CSMD1: variants seen among roughly 807,000 people sequenced by gnomAD.
CSMD1 encodes CUB and sushi domain-containing protein 1.
Under a neutral mutation model 417.5 loss-of-function variants are expected in CSMD1, and 213 were observed. The observed-to-expected ratio is 0.51, with a 90% confidence interval of 0.46 to 0.57. The LOEUF (loss-of-function observed/expected upper bound fraction) is 0.57. CSMD1 is among the 20% of genes least tolerant of loss of function. CSMD1 has a pLI of 0.00. For missense variants in CSMD1, 6,923 were observed against 4,529.7 expected, an observed-to-expected ratio of 1.53 and a Z score of -15.17; for synonymous variants, 2,862 against 1,736.8, an observed-to-expected ratio of 1.65 and a Z score of -16.11.
At chr8:4,403,441 T>C (rs1321502660) in intron 3 of CSMD1, among the ~76,000 whole-genome samples, 2 of 152,126 alleles carry the variant, frequency 1.3e-5, no homozygotes, top group Non-Finnish European at 2.9e-5. Flanking sequence ...GCCATTCGAC[T>C]CAAAATGTCC....
At chr8:4,933,814 G>C (rs79063137) in intron 1 of CSMD1, among the ~76,000 whole-genome samples, 1 of 152,032 alleles carries the variant, frequency 6.6e-6, no homozygotes, top group Non-Finnish European at 1.5e-5. Flanking sequence ...ATGTGAGCCC[G>C]ATACATTTAT....
intron 19 of CSMD1, among the ~76,000 whole-genome samples, chr8:3,368,052 A>C (rs888064391): frequency 3.9e-5 from 6 of 152,194 alleles, no homozygotes; most frequent in Non-Finnish European, 5.9e-5. Flanking sequence ...ACAAAGGCTT[A>C]TTTCTGGATT....
chr8:4,382,837 G>T (rs988150935), intron 3 of CSMD1, among the ~76,000 whole-genome samples: 1 of 152,086 alleles, frequency 6.6e-6, no homozygotes, highest in South Asian at 2.1e-4. Context: ...TTGTGACAAC[G>T]ACCTTACACA....
At chr8:4,152,010 T>A (rs1375303220) in intron 3 of CSMD1, among the ~76,000 whole-genome samples, 4 of 152,162 alleles carry the variant, frequency 2.6e-5, no homozygotes, top group Admixed American at 2.0e-4. Context: ...CATTTTAACG[T>A]AATCAATGTG....
In CSMD1 at chr8:3,903,485, T is replaced by C. The variant is rs545230377; in HGVS notation, c.818+94418A>G. ...CTCAAGAAAGTCTAAAGTGGTATTA[T>C]CGACAGCAGAGAAGTGTGCTTCTCA... On this transcript the variant is annotated intron_variant, in intron 5 of 69. Coordinates refer to ENST00000635120, the MANE Select transcript of CSMD1 (RefSeq NM_033225.6). 6.6e-4 allele frequency among the ~76,000 whole-genome samples: 101 copies of C among 152,338 alleles called. 3 individuals are homozygous for C. The South Asian group carries it at 0.02, about 30-fold the overall frequency.
intron 1 of CSMD1, among the ~76,000 whole-genome samples, chr8:4,967,283 G>C (rs951124144): frequency 6.6e-6 from 1 of 152,168 alleles, no homozygotes; most frequent in African/African-American, 2.4e-5. Context: ...TCTCTTGTCT[G>C]TAGCCATTTC....
At chr8:2,964,090 G>A (rs1475496404) in intron 59 of CSMD1, among the ~76,000 whole-genome samples, 1 of 152,140 alleles carries the variant, frequency 6.6e-6, no homozygotes, top group Non-Finnish European at 1.5e-5. Context: ...AAAAACCACT[G>A]TCTAAAATCC....
At chr8:4,646,406 G>T (rs1430710643) in intron 1 of CSMD1, among the ~76,000 whole-genome samples, 1 of 152,132 alleles carries the variant, frequency 6.6e-6, no homozygotes, top group Non-Finnish European at 1.5e-5. Context: ...AGAAGCTCCA[G>T]TGTCTCAAGG....
chr8:2,969,146 C>T (rs1019306062), intron 57 of CSMD1, among the ~76,000 whole-genome samples: 2 of 152,070 alleles, frequency 1.3e-5, no homozygotes, highest in Non-Finnish European at 2.9e-5. Flanking sequence ...AATACTTATT[C>T]CCGGCTGTTA....
At chr8:4,427,965 T>A (rs918916371) in intron 2 of CSMD1, among the ~76,000 whole-genome samples, 1 of 152,200 alleles carries the variant, frequency 6.6e-6, no homozygotes, top group Admixed American at 6.5e-5. Context: ...TTTTTCTGAC[T>A]CCTTGCTGTG....
chr8:3,458,846 G>A (rs1816316113), intron 12 of CSMD1, among the ~76,000 whole-genome samples: 1 of 152,160 alleles, frequency 6.6e-6, no homozygotes, highest in African/African-American at 2.4e-5. Context: ...CTTTCTCAAG[G>A]ACTCGAGGAC....
At chr8:3,974,881 T>C (rs1813326519) in intron 5 of CSMD1, among the ~76,000 whole-genome samples, 2 of 152,120 alleles carry the variant, frequency 1.3e-5, no homozygotes, top group Non-Finnish European at 1.5e-5. Context: ...AATTTAAGAA[T>C]TTAAAAATAA....
At chr8:3,831,531 G>T (rs1350727479) in intron 5 of CSMD1, among the ~76,000 whole-genome samples, 1 of 152,062 alleles carries the variant, frequency 6.6e-6, no homozygotes, top group African/African-American at 2.4e-5. Context: ...AGAACAGGCT[G>T]GAGGAAAATG....
chr8:4,311,181 C>T (rs759921451), intron 3 of CSMD1, among the ~76,000 whole-genome samples: 3 of 152,040 alleles, frequency 2.0e-5, no homozygotes. Flanking sequence ...ATCATTCCAC[C>T]ATAAAGACAC....
intron 18 of CSMD1, among the ~76,000 whole-genome samples, chr8:3,385,031 A>AG (rs1810907073): frequency 2.5e-5 from 2 of 79,838 alleles, no homozygotes; most frequent in African/African-American, 9.8e-5. Flanking sequence ...TATAAATATA[A>AG]TATATATAAT....
chr8:3,208,353 G>GC (rs1467436349), intron 30 of CSMD1, among the ~76,000 whole-genome samples: 1 of 152,002 alleles, frequency 6.6e-6, no homozygotes, highest in African/African-American at 2.4e-5. Context: ...TGCAACCTCT[G>GC]CCCCCCAGGT....
At chr8:4,248,705 C>CCTGCT in intron 3 of CSMD1, among the ~76,000 whole-genome samples, 1 of 152,156 alleles carries the variant, frequency 6.6e-6, no homozygotes, top group Admixed American at 6.5e-5. Context: ...ACACTTGTAT[C>CCTGCT]CTGCTCTTCT....
intron 7 of CSMD1, among the ~76,000 whole-genome samples, chr8:3,650,997 A>G (rs139023406): frequency 9.9e-5 from 15 of 152,256 alleles, no homozygotes; most frequent in Admixed American, 2.6e-4. Flanking sequence ...AGTTCCTTAG[A>G]CCAAAAACCT....
In CSMD1 at chr8:4,147,801, C is replaced by G. The variant is rs117114988; in HGVS notation, c.416-115702G>C. Among the ~76,000 whole-genome samples the G allele has an allele frequency of 9.7e-3, 1,476 of 152,200 alleles. 6 individuals are homozygous for G. The highest frequency in any genetic ancestry group is 0.015 in the Non-Finnish European group (1,051 of 68,026). ...ATCAGAGCCTGACCCAATGTGCCGACTCCAAAGCCGGGCAGGAAGACACAT... is the reference window on the plus strand; with the variant it reads ...ATCAGAGCCTGACCCAATGTGCCGAGTCCAAAGCCGGGCAGGAAGACACAT... On this transcript the variant is annotated intron_variant, in intron 3 of 69. Coordinates refer to ENST00000635120, the MANE Select transcript of CSMD1 (RefSeq NM_033225.6).
Sources: gnomAD v4.1 joint callset for allele counts (sites outside exome capture counted in the v4.1 genomes callset) on GRCh38, gnomAD v4.1.1 for gene constraint, MANE v1.5 for transcripts, NCBI Gene and HGNC (gene_info 2026-07-23, HGNC 2026-07-21) for gene names.